Variants in CELA2B observed in about 807,000 individuals in gnomAD.
The protein encoded by CELA2B is chymotrypsin like elastase 2B, also known as chymotrypsin-like elastase family member 2B.
CELA2B carries 27 observed loss-of-function variants against 36.5 expected under a neutral mutation model. The ratio of observed to expected loss-of-function variants is 0.74; its 90% CI spans 0.55 to 1.02. The LOEUF (loss-of-function observed/expected upper bound fraction) is 1.02. Among genes scored for constraint, CELA2B ranks in the 50% least tolerant of loss-of-function variants. The pLI is 0.00. For synonymous variants in CELA2B, 143 were observed against 148.5 expected, an observed-to-expected ratio of 0.96 and a Z score of 0.27; for missense variants, 340 against 347.8, an observed-to-expected ratio of 0.98 and a Z score of 0.18.
Position 15,485,944 on chromosome 1 carries a change from G to T in CELA2B, c.537G>T (p.Leu179=), listed in dbSNP as rs750246581. ...ATGACCTGAAGCAGGGCCAGTTGCT[G>T]GTTGTGGACTATGCCACCTGCTCCA... ...LPDDLKQGQL[L]VVDYATCSSS... is the part of the protein sequence containing the mutation. Residue 179 remains leucine, a synonymous_variant, in exon 6 of 8, where the codon CTG becomes CTT. Coordinates refer to ENST00000375910, the MANE Select transcript of CELA2B (RefSeq NM_015849.3). 6.2e-7 allele frequency: 1 copy of T among 1,614,176 alleles called. No individual in the cohort carries two copies. Among genetic ancestry groups the T allele is most frequent in the East Asian group, 2.2e-5 (1 of 44,882 alleles).
chr1:15,479,276 G>A (rs1708712864), intron 2 of CELA2B, among the ~76,000 whole-genome samples: 1 of 152,184 alleles, frequency 6.6e-6, no homozygotes, highest in East Asian at 1.9e-4. Context: ...CAGGCACAGT[G>A]GCTCACGCAT....
chr1:15,490,763 G>A (rs1309064071), intron 7 of CELA2B: 6 of 155,314 alleles, frequency 3.9e-5, no homozygotes, highest in Admixed American at 1.9e-4. Flanking sequence ...TCAGCTACTC[G>A]GGAGGCTAAG....
chr1:15,489,346 C>G (rs1199752865), intron 7 of CELA2B, among the ~76,000 whole-genome samples: 4 of 152,234 alleles, frequency 2.6e-5, no homozygotes, highest in Admixed American at 1.3e-4. Context: ...AGCACGCCTC[C>G]CGAGGCAGCT....
Position 15,487,295 on chromosome 1 carries a change from G to A in CELA2B, c.650G>A (p.Gly217Asp), listed in dbSNP as rs1454288649. The change falls in exon 7 of 8, where the codon GGT (glycine) becomes GAT (aspartate). Residue 217 changes from glycine to aspartate, a missense_variant. Physicochemically the swap from Gly to Asp is moderately conservative, Grantham distance 94. Transcript: ENST00000375910. ...GVICTCNGDS[G>D]GPLNCQASDG... is the part of the protein sequence containing the mutation. ...TCTGGCCTTCCTCAGGGAGACTCCG[G>A]TGGGCCGCTGAACTGTCAGGCATCT... 3.1e-6 allele frequency: 5 copies of A among 1,614,084 alleles called. No homozygotes were observed. The African/African-American group carries it at 4.0e-5, about 13-fold the overall frequency.
chr1:15,488,723 G>A (rs1356683109), intron 7 of CELA2B, among the ~76,000 whole-genome samples: 2 of 152,222 alleles, frequency 1.3e-5, no homozygotes, highest in Non-Finnish European at 2.9e-5. Flanking sequence ...TTAATTTGCA[G>A]AGAAGTGTTA....
chr1:15,486,477 A>T (rs1557526737), intron 6 of CELA2B, among the ~76,000 whole-genome samples: 1 of 152,100 alleles, frequency 6.6e-6, no homozygotes, highest in East Asian at 1.9e-4. Context: ...AAACTCAAAA[A>T]AAAACCTGAC....
intron 3 of CELA2B, chr1:15,481,630 A>C (rs187485856): frequency 4.2e-6 from 2 of 475,078 alleles, no homozygotes; most frequent in East Asian, 1.4e-4. Flanking sequence ...AATGAAAGCT[A>C]ATTCTGAATT....
rs1317635053 is a variant in CELA2B, at chr1:15,482,328, G to A, written c.291G>A (p.Ser97=). ...QHNLYVAESG[S]LAVSVSKIVV... ...ACCTCTACGTTGCAGAGTCCGGCTCGCTGGCCGTCAGTGTCTCTAAGATTG... is the reference window on the plus strand; with the variant it reads ...ACCTCTACGTTGCAGAGTCCGGCTCACTGGCCGTCAGTGTCTCTAAGATTG... The change falls in exon 4 of 8, where the codon TCG becomes TCA. Residue 97 remains serine (S), a synonymous_variant. Coordinates refer to ENST00000375910, the MANE Select transcript of CELA2B (RefSeq NM_015849.3). The A allele has an allele frequency of 5.6e-6, 9 of 1,613,980 alleles. No homozygotes were observed. Among genetic ancestry groups the A allele is most frequent in the Admixed American group, 1.7e-5 (1 of 59,990 alleles).
chr1:15,481,100 C>A lies in CELA2B; in HGVS notation c.132C>A (p.Val44=). 6.2e-7 allele frequency: 1 copy of A among 1,612,374 alleles called. No individual in the cohort carries two copies. Among genetic ancestry groups the A allele is most frequent in the Non-Finnish European group, 8.5e-7 (1 of 1,179,994 alleles). The change falls in exon 3 of 8, where the codon GTC becomes GTA. Residue 44 remains valine (V), a splice_region_variant and synonymous_variant. Coordinates refer to ENST00000375910, the MANE Select transcript of CELA2B (RefSeq NM_015849.3). ...EARPNSWPWQ[V]SLQYSSNGQW... Reference sequence around the variant, plus strand: ...CACAGACCTGTGTTTCTCCCCAGGTCTCCCTGCAGTACAGCTCCAATGGCC... The same window carrying A: ...CACAGACCTGTGTTTCTCCCCAGGTATCCCTGCAGTACAGCTCCAATGGCC...
Position 15,476,323 on chromosome 1 carries a change from C to G in CELA2B, c.41-134C>G, listed in dbSNP as rs182357930. The G allele has an allele frequency of 4.4e-5, 62 of 1,396,042 alleles. 1 individual carries two copies. In the East Asian group the frequency reaches 8.5e-4, roughly 19 times the overall value. The allele number at this position is 1,396,042 out of a possible 1,614,324, so 86.5% of individuals were successfully genotyped here. The stretch of plus-strand genomic sequence containing the variant: ...TGGAGTTTCAAAGAATTGGAGCAAA[C>G]AGAAGGATTTTATGACCTCTTGGGA... On this transcript the variant is annotated intron_variant, in intron 1 of 7. Transcript: ENST00000375910.
rs755142262 is a variant in CELA2B, at chr1:15,491,299, T to C, written c.797T>C (p.Ile266Thr). ...SNYNDWINSV[I>T]ANN ...TCTTGTGTGTGTGTCCTGCAGGTGA[T>C]TGCAAATAACTAACCAAAAGAAGTC... is the stretch of plus-strand genomic sequence containing the variant. Residue 266 changes from isoleucine (I) to threonine (T), a missense_variant, in exon 8 of 8, where the codon ATT (isoleucine) becomes ACT (threonine). Transcript: ENST00000375910. 1.9e-5 allele frequency: 31 copies of C among 1,613,978 alleles called. No homozygotes were observed. The East Asian group carries it at 2.7e-4, about 14-fold the overall frequency.
At chr1:15,488,326 A>G (rs1708830969) in intron 7 of CELA2B, among the ~76,000 whole-genome samples, 1 of 152,150 alleles carries the variant, frequency 6.6e-6, no homozygotes, top group South Asian at 2.1e-4. Flanking sequence ...GGTGGAGCCT[A>G]CAGTAAGCCA....
In CELA2B at chr1:15,482,412, G is replaced by A; in HGVS notation, c.356+19G>A. ...CCAAAGGGTTCGTTTCTATCTGGGT[G>A]CACTTGGGGGTGAGGTTGTCAGGGA... On this transcript the variant is annotated intron_variant, in intron 4 of 7. Transcript: ENST00000375910. 6.2e-7 allele frequency: 1 copy of A among 1,613,770 alleles called. No homozygotes were observed.
chr1:15,482,251 C>T lies in CELA2B; in HGVS notation c.228-14C>T. 1 of 1,613,466 alleles carries T rather than the reference C, an allele frequency of 6.2e-7. No homozygotes were observed. Among genetic ancestry groups the T allele is most frequent in the Admixed American group, 1.7e-5 (1 of 59,992 alleles). ...TCTGGAGGTGACCCTCTCCCTGGGA[C>T]CCCTTTCTCCCAGCTCCTCCGGGAT... On this transcript the variant is annotated splice_polypyrimidine_tract_variant and intron_variant, in intron 3 of 7. Transcript: ENST00000375910.
At chr1:15,490,420 A>C (rs577847326) in intron 7 of CELA2B, among the ~76,000 whole-genome samples, 1 of 152,202 alleles carries the variant, frequency 6.6e-6, no homozygotes, top group Non-Finnish European at 1.5e-5. Context: ...CCATAGTTTG[A>C]GTGTAATGAA....
rs767131277 is a variant in CELA2B, at chr1:15,482,316, A to G, written c.279A>G (p.Ala93=). 1.2e-5 allele frequency: 19 copies of G among 1,614,016 alleles called. No individual in the cohort carries two copies. In the Admixed American group the frequency reaches 2.3e-4, roughly 20 times the overall value. ...VMLGQHNLYV[A]ESGSLAVSVS... ...TGGGCCAGCATAACCTCTACGTTGC[A>G]GAGTCCGGCTCGCTGGCCGTCAGTG... The change falls in exon 4 of 8, where the codon GCA becomes GCG. Residue 93 remains alanine, a synonymous_variant. Transcript: ENST00000375910.
At chr1:15,486,826 G>A (rs1341835522) in intron 6 of CELA2B, among the ~76,000 whole-genome samples, 2 of 150,162 alleles carry the variant, frequency 1.3e-5, no homozygotes, top group Non-Finnish European at 3.0e-5. Context: ...GGAGTAGGAA[G>A]GAGATCCACA....
chr1:15,486,603 T>C (rs1002373190), intron 6 of CELA2B, among the ~76,000 whole-genome samples: 3 of 152,240 alleles, frequency 2.0e-5, no homozygotes, highest in South Asian at 4.1e-4. Flanking sequence ...GTGACTGTCC[T>C]TCTGTATCCT....
At chr1:15,481,340 A>G (rs1026588982) in intron 3 of CELA2B, 145 bp downstream of exon 3, 45 of 1,000,908 alleles carry the variant, frequency 4.5e-5, no homozygotes, top group Non-Finnish European at 6.9e-5. Context: ...GTAGTCAATC[A>G]ATGGTTCAGT....
Sources: gnomAD v4.1 joint callset for allele counts (sites outside exome capture counted in the v4.1 genomes callset) on GRCh38, gnomAD v4.1.1 for gene constraint, MANE v1.5 for transcripts, NCBI Gene and HGNC (gene_info 2026-07-23, HGNC 2026-07-21) for gene names.